ARID1B: variants seen among roughly 807,000 people sequenced by gnomAD.
The protein encoded by ARID1B is AT-rich interaction domain 1B.
Under a neutral mutation model 212.3 loss-of-function variants are expected in ARID1B, and 30 were observed. The observed-to-expected ratio is 0.14, with a 90% confidence interval of 0.11 to 0.19. The LOEUF is 0.19. ARID1B is among the 10% of genes least tolerant of loss of function. The pLI, the probability that ARID1B is intolerant of heterozygous loss-of-function variation, is 1.00. For missense variants in ARID1B, 2,891 were observed against 3,204.0 expected, an observed-to-expected ratio of 0.90 and a Z score of 2.36; for synonymous variants, 1,402 against 1,301.7, an observed-to-expected ratio of 1.08 and a Z score of -1.66.
intron 3 of ARID1B, among the ~76,000 whole-genome samples, chr6:156,903,410 T>C (rs1294618030): frequency 1.3e-5 from 2 of 152,192 alleles, no homozygotes; most frequent in African/African-American, 2.4e-5. Context: ...TCAAAATACA[T>C]TGGAAATTTT....
intron 3 of ARID1B, among the ~76,000 whole-genome samples, chr6:156,931,887 G>A (rs1227633678): frequency 3.3e-5 from 5 of 151,084 alleles, no homozygotes; most frequent in Non-Finnish European, 5.9e-5. Context: ...GCTTCAACCC[G>A]GGAGGTGGAG....
At chr6:156,994,136 C>T (rs1778437415) in intron 4 of ARID1B, among the ~76,000 whole-genome samples, 1 of 152,080 alleles carries the variant, frequency 6.6e-6, no homozygotes, top group South Asian at 2.1e-4. Flanking sequence ...TTTAAGAATA[C>T]TTGATGCAGT....
At chr6:156,800,686 C>T (rs1382249705) in intron 1 of ARID1B, among the ~76,000 whole-genome samples, 1 of 152,004 alleles carries the variant, frequency 6.6e-6, no homozygotes, top group Non-Finnish European at 1.5e-5. Context: ...GCGGGAGCAT[C>T]ACTTGAGCCC....
rs543281866 is a variant in ARID1B at position 156,901,033 on chromosome 6, G to A, written c.1987-343G>A. Among the ~76,000 whole-genome samples the A allele has an allele frequency of 1.0e-3, 155 of 152,280 alleles. 1 individual carries two copies. The highest frequency in any genetic ancestry group is 3.6e-3 in the African/African-American group (151 of 41,540). ...TTTGAGTTCACTTTTTCACTGTTGT[G>A]TGGGAATGGATTTCATATCATGCTT... On this transcript the variant is annotated intron_variant, in intron 2 of 19. Transcript: ENST00000636930.
chr6:157,090,203 C>T (rs991640704), intron 5 of ARID1B, among the ~76,000 whole-genome samples: 1 of 152,154 alleles, frequency 6.6e-6, no homozygotes, highest in Non-Finnish European at 1.5e-5. Flanking sequence ...CCTCCATGTG[C>T]TGTAAGCAGC....
intron 2 of ARID1B, among the ~76,000 whole-genome samples, chr6:156,873,085 G>A (rs2128149206): frequency 6.6e-6 from 1 of 152,222 alleles, no homozygotes; most frequent in South Asian, 2.1e-4. Flanking sequence ...TTCCCTTCCA[G>A]CCTACAAGCA....
intron 4 of ARID1B, among the ~76,000 whole-genome samples, chr6:156,949,075 G>T (rs546443378): frequency 1.7e-4 from 26 of 152,338 alleles, no homozygotes; most frequent in African/African-American, 6.0e-4. Context: ...GATTTCAGAG[G>T]AAGAGAACAC....
chr6:156,995,149 C>T (rs1340084243), intron 4 of ARID1B, among the ~76,000 whole-genome samples: 1 of 152,200 alleles, frequency 6.6e-6, no homozygotes, highest in Non-Finnish European at 1.5e-5. Flanking sequence ...CCTCTTCTCC[C>T]GGGCTTAGGA....
At chr6:157,153,773 C>CT (rs2128648716) in intron 8 of ARID1B, among the ~76,000 whole-genome samples, 3 of 152,254 alleles carry the variant, frequency 2.0e-5, no homozygotes, top group African/African-American at 7.2e-5. Context: ...GTAGTTGGTA[C>CT]TACAGGCACG....
chr6:156,982,339 C>T (rs548316723), intron 4 of ARID1B, among the ~76,000 whole-genome samples: 2 of 151,440 alleles, frequency 1.3e-5, no homozygotes, highest in South Asian at 2.1e-4. Flanking sequence ...GCCATTGTGA[C>T]GTTGCCCTTT....
In ARID1B at chr6:157,207,496, G is replaced by A. The variant is rs771871664; in HGVS notation, c.6724G>A (p.Val2242Ile). ...ATTCTATGCTACATTAGTTAGGTAC[G>A]TTGGGGATCGCAAAAACCCAGTCTG... ...EKFYATLVRY[V>I]GDRKNPVCRE... Residue 2242 changes from valine (V) to isoleucine (I), a missense_variant, in exon 20 of 20, where the codon GTT becomes ATT. Around this residue, in one of 7 missense-constraint regions of ARID1B, gnomAD observed 187 missense variants for 306.5 expected, o/e 0.61. Transcript: ENST00000636930. This position sits in a 1 kb window ranked among gnomAD's most constrained non-coding sequence, Gnocchi z 8.5. 4.3e-5 allele frequency: 70 copies of A among 1,614,024 alleles called. No homozygotes were observed. The highest frequency in any genetic ancestry group is 4.7e-5 in the Non-Finnish European group (56 of 1,180,032).
chr6:156,934,372 T>C lies in ARID1B; in HGVS notation c.2137-1094T>C, dbSNP rs114359988. Among the ~76,000 whole-genome samples, 961 of 152,316 alleles carry C rather than the reference T, an allele frequency of 6.3e-3. 8 individuals are homozygous for C. The highest frequency in any genetic ancestry group is 0.02 in the African/African-American group (833 of 41,566). On this transcript the variant is annotated intron_variant, in intron 3 of 19. Transcript: ENST00000636930. The stretch of plus-strand genomic sequence containing the variant: ...TGTGGTGTGGTATTTGGGTTATATA[T>C]GCTAATTATTTCAGCACAATGCTGA...
At chr6:156,909,415 C>T (rs1476079540) in intron 3 of ARID1B, among the ~76,000 whole-genome samples, 1 of 152,184 alleles carries the variant, frequency 6.6e-6, no homozygotes. Flanking sequence ...TGAGTCACCG[C>T]ATCCGGACAA....
chr6:156,892,686 G>T (rs1283941817), intron 2 of ARID1B, among the ~76,000 whole-genome samples: 3 of 152,102 alleles, frequency 2.0e-5, no homozygotes, highest in Admixed American at 6.5e-5. Flanking sequence ...TCTCTTTCCA[G>T]CCAGGCCCCA....
rs541329947 is a variant in ARID1B, at chr6:157,138,739, G to A, written c.2761+5532G>A. The stretch of plus-strand genomic sequence containing the variant: ...TCATTTTATTGTTTTCTTCAAACAG[G>A]TTGATGCACTTGATAAGGCCACAGC... On this transcript the variant is annotated intron_variant, in intron 7 of 19. Transcript: ENST00000636930. 2.6e-5 allele frequency among the ~76,000 whole-genome samples: 4 copies of A among 152,280 alleles called. No individual in the cohort carries two copies. The South Asian group carries it at 8.3e-4, about 32-fold the overall frequency.
At chr6:157,114,297 T>C (rs936203536) in intron 6 of ARID1B, among the ~76,000 whole-genome samples, 1 of 151,412 alleles carries the variant, frequency 6.6e-6, no homozygotes, top group African/African-American at 2.4e-5. Context: ...TTGAGGCGGG[T>C]GGATCACTTG....
In ARID1B at chr6:157,203,747, TG is replaced by T; in HGVS notation, c.5264-118del. The T allele has an allele frequency of 8.0e-7, 1 of 1,248,672 alleles. No homozygotes were observed. The highest frequency in any genetic ancestry group is 1.1e-6 in the Non-Finnish European group (1 of 874,644). 77.3% of individuals were successfully genotyped at this position (1,248,672 alleles called of 1,614,324 possible). A position where few individuals can be genotyped will look rare whatever the true frequency, so the allele number is the denominator to read the frequency against. ...ACGCTTAACTGTCCTTGAGAGCATTTGTTTAAAGTCAATATTTAACTTAACA... is the reference window on the plus strand; with the variant it reads ...ACGCTTAACTGTCCTTGAGAGCATTTTTTAAAGTCAATATTTAACTTAACA... On this transcript the variant is annotated intron_variant, in intron 18 of 19. Coordinates refer to ENST00000636930, the MANE Select transcript of ARID1B (RefSeq NM_001374828.1). This position sits in a 1 kb window ranked among gnomAD's most constrained non-coding sequence, Gnocchi z 4.4.
At position 157,025,367 on chromosome 6, in the gene ARID1B, G is replaced by A. The variant is rs142017212; in HGVS notation, c.2248-59295G>A. On this transcript the variant is annotated intron_variant, in intron 4 of 19. Transcript: ENST00000636930. ...CATTGTGGATGGATTACTATGTTGA[G>A]AAATGCATAACAATGATGTGTAAGG... Among the ~76,000 whole-genome samples, 884 of 152,336 alleles carry A rather than the reference G, an allele frequency of 5.8e-3. 6 individuals carry two copies. The highest frequency in any genetic ancestry group is 0.02 in the African/African-American group (832 of 41,576).
At chr6:157,010,278 GTTTTTTTT>G (rs367851681) in intron 4 of ARID1B, among the ~76,000 whole-genome samples, 15 of 102,290 alleles carry the variant, frequency 1.5e-4, no homozygotes, top group Admixed American at 3.0e-4. Flanking sequence ...TGCATTGCCT[GTTTTTTTT>G]TTTTTTTTTT....
Sources: allele counts gnomAD v4.1 joint callset (sites outside exome capture counted in the v4.1 genomes callset), GRCh38; gene constraint gnomAD v4.1.1; regional missense constraint gnomAD v4.1.1; non-coding constraint Gnocchi (gnomAD v3.1); transcripts MANE v1.5; gene names NCBI Gene and HGNC (gene_info 2026-07-23, HGNC 2026-07-21).